SAMD11: variants seen among roughly 807,000 people sequenced by gnomAD.
SAMD11 encodes the protein sterile alpha motif domain-containing protein 11.
A neutral mutation model predicts 64.4 loss-of-function variants in SAMD11; 77 were observed. The ratio of observed to expected loss-of-function variants is 1.20; its 90% CI spans 0.99 to 1.44. The LOEUF is 1.44. SAMD11 is among the 40% of genes most tolerant of loss of function. SAMD11 has a pLI of 0.00. For missense variants in SAMD11, 1,402 were observed against 943.3 expected (o/e 1.49, Z -6.37); for synonymous variants, 658 against 421.9 (o/e 1.56, Z -6.86).
chr1:942,136 G>A lies in SAMD11; in HGVS notation c.1359G>A (p.Arg453=). The part of the protein sequence containing the change: ...APAAAPSFSE[R]ELPQPPPLLS... Reference sequence around the variant, plus strand: ...CCGCTCATTGCGCTGCCGTCCACAGGGAGCTGCCTCAGCCGCCCCCCTTGC... The same window carrying A: ...CCGCTCATTGCGCTGCCGTCCACAGAGAGCTGCCTCAGCCGCCCCCCTTGC... Residue 453 remains arginine, a splice_region_variant and synonymous_variant, in exon 9 of 14, where the codon AGG becomes AGA. Transcript: ENST00000616016. 1 of 1,332,684 alleles carries A rather than the reference G, an allele frequency of 7.5e-7. No homozygotes were observed. 82.6% of individuals were successfully genotyped at this position (1,332,684 alleles called of 1,614,324 possible). A position where few individuals can be genotyped will look rare whatever the true frequency, so the allele number is the denominator to read the frequency against.
In SAMD11 at chr1:942,547, C is replaced by T. The variant is rs762292178; in HGVS notation, c.1554-12C>T. ...CCGGGAGGCGGCTGACCCGCGTCTG[C>T]CCCCGGCCCAGGCTGGAGCTGCCCG... is the stretch of plus-strand genomic sequence containing the variant. On this transcript the variant is annotated splice_polypyrimidine_tract_variant and intron_variant, in intron 10 of 13. Coordinates refer to ENST00000616016, the MANE Select transcript of SAMD11 (RefSeq NM_001385641.1). 1.4e-6 allele frequency: 2 copies of T among 1,402,688 alleles called. No homozygotes were observed. The highest frequency in any genetic ancestry group is 3.1e-5 in the South Asian group (2 of 64,322). 86.9% of individuals were successfully genotyped at this position (1,402,688 alleles called of 1,614,324 possible).
Position 941,398 on chromosome 1 carries a change from A to G in SAMD11, c.1358+92A>G. On this transcript the variant is annotated intron_variant, in intron 8 of 13. Transcript: ENST00000616016. ...ACCAGCACGCGCCCCGAGAGTGCCA[A>G]GCACTGTGTTCAGCTCTAGGTTCGG... 2.4e-6 allele frequency: 3 copies of G among 1,264,166 alleles called. No homozygotes were observed. In the South Asian group the frequency reaches 4.5e-5, roughly 19 times the overall value. 78.3% of individuals were successfully genotyped at this position (1,264,166 alleles called of 1,614,324 possible). A position where few individuals can be genotyped will look rare whatever the true frequency, so the allele number is the denominator to read the frequency against.
rs1036252381 is a variant in SAMD11, at chr1:939,340, G to T, written c.1123G>T (p.Val375Leu). The T allele has an allele frequency of 6.2e-7, 1 of 1,612,242 alleles. No individual in the cohort carries two copies. The highest frequency in any genetic ancestry group is 1.7e-5 in the Admixed American group (1 of 59,920). Reference protein sequence around the residue: ...MAPEDHYRRLVSALSEASTFE... With the variant: ...MAPEDHYRRLLSALSEASTFE... ...CCCGGAGGACCATTACCGCCGGCTTGTGTCAGCACTGAGCGAGGCCAGCAC... is the reference window on the plus strand; with the variant it reads ...CCCGGAGGACCATTACCGCCGGCTTTTGTCAGCACTGAGCGAGGCCAGCAC... The change falls in exon 7 of 14, where the codon GTG becomes TTG. Residue 375 changes from valine (V) to leucine (L), a missense_variant. Transcript: ENST00000616016.
At chr1:926,665 C>T (rs1053730684) in intron 2 of SAMD11, among the ~76,000 whole-genome samples, 2 of 152,122 alleles carry the variant, frequency 1.3e-5, no homozygotes, top group African/African-American at 2.4e-5. Flanking sequence ...GCAGGAGAGA[C>T]GGGGATGCTG....
At position 943,437 on chromosome 1, in the gene SAMD11, C is replaced by G. The variant is rs1569921668; in HGVS notation, c.2178+60C>G. ...GAGCTGGCTGGCAGTCACTACCTCC[C>G]TGGAAAGGATGGTGGGGTAGGGCCA... On this transcript the variant is annotated intron_variant, in intron 12 of 13. Coordinates refer to ENST00000616016, the MANE Select transcript of SAMD11 (RefSeq NM_001385641.1). 75 of 1,408,454 alleles carry G rather than the reference C, an allele frequency of 5.3e-5. 1 individual carries two copies. The South Asian group carries it at 9.4e-4, about 18-fold the overall frequency. 87.2% of individuals were successfully genotyped at this position (1,408,454 alleles called of 1,614,324 possible).
chr1:929,209 C>G (rs555133221), intron 2 of SAMD11, among the ~76,000 whole-genome samples: 1 of 152,210 alleles, frequency 6.6e-6, no homozygotes, highest in African/African-American at 2.4e-5. Context: ...GCACGTCCGC[C>G]GCGTGTGTGC....
intron 7 of SAMD11, among the ~76,000 whole-genome samples, chr1:940,693 C>G (rs1042456599): frequency 2.6e-5 from 4 of 152,238 alleles, no homozygotes; most frequent in Admixed American, 2.6e-4. Context: ...TGCGCGGGCG[C>G]TGCCTTGCCT....
chr1:941,163 G>A lies in SAMD11; in HGVS notation c.1215G>A (p.Gln405=), dbSNP rs761147375. ...ACCCAGATCTCCTGAGGGTCCGGCA[G>A]GAGGTGGCGGCTGCAGCTCTGAGGG... ...LPSHDLLRVR[Q]EVAAAALRGP... The change falls in exon 8 of 14, where the codon CAG becomes CAA. Residue 405 remains glutamine (Q), a synonymous_variant. Transcript: ENST00000616016. 3.9e-5 allele frequency: 63 copies of A among 1,601,060 alleles called. No homozygotes were observed. The highest frequency in any genetic ancestry group is 4.9e-5 in the Non-Finnish European group (58 of 1,174,862).
rs143052291 is a variant in SAMD11, at chr1:930,195, C to G, written c.650C>G (p.Pro217Arg). The G allele has an allele frequency of 1.3e-6, 2 of 1,564,638 alleles. No individual in the cohort carries two copies. The highest frequency in any genetic ancestry group is 1.7e-6 in the Non-Finnish European group (2 of 1,154,746). ...GCAGACAAGAGGACAGTCGCCCTGCCTGCCGCCCGGAACCTGAAGAAGGAG... is the reference window on the plus strand; with the variant it reads ...GCAGACAAGAGGACAGTCGCCCTGCGTGCCGCCCGGAACCTGAAGAAGGAG... The part of the protein sequence containing the change: ...RLADKRTVAL[P>R]AARNLKKERT... The change falls in exon 3 of 14, where the codon CCT (proline) becomes CGT (arginine). Residue 217 changes from proline to arginine, a missense_variant. Transcript: ENST00000616016.
chr1:926,092 G>C, intron 2 of SAMD11, 79 bp downstream of exon 2: 1 of 1,388,030 alleles, frequency 7.2e-7, no homozygotes, highest in Non-Finnish European at 1.0e-6. Flanking sequence ...GGGTTTTCAG[G>C]ATCGAGAGTC....
intron 7 of SAMD11, 115 bp from the exon 8 acceptor site, chr1:941,029 G>T (rs888279302): frequency 1.0e-6 from 1 of 989,878 alleles, no homozygotes; most frequent in Non-Finnish European, 1.5e-6. Context: ...CCCAGGGGCC[G>T]AGCACGGCCG....
At position 931,520 on chromosome 1, in the gene SAMD11, C is replaced by T. The variant is rs1003656263; in HGVS notation, c.842+431C>T. Among the ~76,000 whole-genome samples, 6 of 151,978 alleles carry T rather than the reference C, an allele frequency of 3.9e-5. No homozygotes were observed. The East Asian group carries it at 5.8e-4, about 15-fold the overall frequency. ...TGAAGGGTGTGTAGGAGCTCTAAGG[C>T]GAGGGGATGTCTGCAGAGTAGAGGA... is the stretch of plus-strand genomic sequence containing the variant. On this transcript the variant is annotated intron_variant, in intron 4 of 13. Coordinates refer to ENST00000616016, the MANE Select transcript of SAMD11 (RefSeq NM_001385641.1).
chr1:935,347 G>T (rs1641374954), intron 4 of SAMD11, among the ~76,000 whole-genome samples: 1 of 152,088 alleles, frequency 6.6e-6, no homozygotes, highest in African/African-American at 2.4e-5. Context: ...GGGGGTCAGG[G>T]GATGGTTCAC....
intron 3 of SAMD11, 100 bp from the exon 4 acceptor site, chr1:930,939 G>A (rs9988021): frequency 0.99 from 1,155,270 of 1,166,842 alleles, 572,488 homozygotes; most frequent in East Asian, 1. Flanking sequence ...GTGGCCCAGC[G>A]GGGCACTGAC....
At chr1:932,139 G>A (rs1328019798) in intron 4 of SAMD11, among the ~76,000 whole-genome samples, 1 of 152,232 alleles carries the variant, frequency 6.6e-6, no homozygotes, top group Non-Finnish European at 1.5e-5. Flanking sequence ...TTTTGGGGTT[G>A]CCAGCTCACC....
At position 942,992 on chromosome 1, in the gene SAMD11, G is replaced by C; in HGVS notation, c.1987G>C (p.Gly663Arg). The change falls in exon 11 of 14, where the codon GGG (glycine) becomes CGG (arginine). Residue 663 changes from glycine (G) to arginine (R), a missense_variant. By Grantham distance (125) the Gly-to-Arg change is moderately radical. Coordinates refer to ENST00000616016, the MANE Select transcript of SAMD11 (RefSeq NM_001385641.1). ...TGGAGGGGCCGGCGCCGAGGGGAAG[G>C]GGCTTTTCCCAGGGTCCACACTGCC... ...PAGGAGAEGK[G>R]LFPGSTLPLG... is the part of the protein sequence containing the mutation. 6.5e-7 allele frequency: 1 copy of C among 1,539,154 alleles called. No homozygotes were observed. Among genetic ancestry groups the C allele is most frequent in the Non-Finnish European group, 8.7e-7 (1 of 1,146,290 alleles).
Position 943,325 on chromosome 1 carries a change from A to G in SAMD11, c.2126A>G (p.Asp709Gly), listed in dbSNP as rs1342687947. The change falls in exon 12 of 14, where the codon GAT becomes GGT. Residue 709 changes from aspartate to glycine, a missense_variant. By Grantham distance (94) the Asp-to-Gly change is moderately conservative. Coordinates refer to ENST00000616016, the MANE Select transcript of SAMD11 (RefSeq NM_001385641.1). The stretch of plus-strand genomic sequence containing the variant: ...GAGGACGTCACCAAGTGGACCGTGG[A>G]TGACGTCTGCAGCTTCGTGGGGGGC... ...APEDVTKWTVDDVCSFVGGLS... is the reference protein window; with the variant it reads ...APEDVTKWTVGDVCSFVGGLS... 6.2e-7 allele frequency: 1 copy of G among 1,609,812 alleles called. No homozygotes were observed.
chr1:935,890 CCCG>C lies in SAMD11; in HGVS notation c.965_967del (p.Ala322del). On this transcript the variant is annotated inframe_deletion, in exon 5 of 14. Coordinates refer to ENST00000616016, the MANE Select transcript of SAMD11 (RefSeq NM_001385641.1). ...AGGCAGCCTGGAGATTGGCCTGCGA[CCCG>C]CCGGTGAGGAGCACAGGGGGCCTGA... The C allele has an allele frequency of 1.2e-6, 2 of 1,612,574 alleles. No individual in the cohort carries two copies. The highest frequency in any genetic ancestry group is 2.2e-5 in the East Asian group (1 of 44,880).
At position 925,932 on chromosome 1, in the gene SAMD11, G is replaced by C. The variant is rs1295243974; in HGVS notation, c.528G>C (p.Leu176=). 6.2e-7 allele frequency: 1 copy of C among 1,611,144 alleles called. No homozygotes were observed. Residue 176 remains leucine, a synonymous_variant, in exon 2 of 14, where the codon CTG becomes CTC. Coordinates refer to ENST00000616016, the MANE Select transcript of SAMD11 (RefSeq NM_001385641.1). ...CGGCTCTGCTCGCAGGGAAAAGTCT[G>C]AAGACGCTTATGTCCAAGGGGATCC... ...KRSIRHKGKS[L]KTLMSKGILQ...
Sources: allele counts gnomAD v4.1 joint callset (sites outside exome capture counted in the v4.1 genomes callset), GRCh38; gene constraint gnomAD v4.1.1; transcripts MANE v1.5; gene names NCBI Gene and HGNC (gene_info 2026-07-23, HGNC 2026-07-21).